The following GRIA4 variants were observed in gnomAD, a reference collection of about 807,000 sequenced individuals.
GRIA4 encodes glutamate ionotropic receptor AMPA type subunit 4, also known as glutamate receptor 4.
In GRIA4, 34 loss-of-function variants were observed where a neutral mutation model predicts 104.0. The observed-to-expected ratio is 0.33, with a 90% CI of 0.25 to 0.44. GRIA4 has a LOEUF of 0.44. Ranked by LOEUF, GRIA4 falls within the 20% of genes least tolerant of loss-of-function variation. GRIA4 has a pLI of 1.00. For missense variants in GRIA4, 750 were observed against 1,096.5 expected, an observed-to-expected ratio of 0.68 and a Z score of 4.46; for synonymous variants, 386 against 381.9, an observed-to-expected ratio of 1.01 and a Z score of -0.13.
chr11:105,936,431 G>A (rs1948037775), intron 14 of GRIA4, among the ~76,000 whole-genome samples: 1 of 152,092 alleles, frequency 6.6e-6, no homozygotes, highest in Admixed American at 6.6e-5. Context: ...TAGGTTAATA[G>A]TTCTGGATGT....
At chr11:105,967,380 A>G (rs1858441505) in intron 14 of GRIA4, among the ~76,000 whole-genome samples, 1 of 152,164 alleles carries the variant, frequency 6.6e-6, no homozygotes, top group African/African-American at 2.4e-5. Context: ...GAACTGGACA[A>G]CTCAGTCAGA....
intron 4 of GRIA4, among the ~76,000 whole-genome samples, chr11:105,837,638 C>T (rs999804330): frequency 2.6e-5 from 4 of 151,978 alleles, no homozygotes; most frequent in South Asian, 2.1e-4. Context: ...GGAGAAACAC[C>T]GTGTGGAACT....
intron 13 of GRIA4, among the ~76,000 whole-genome samples, chr11:105,927,857 A>G (rs904340735): frequency 2.0e-5 from 3 of 152,040 alleles, no homozygotes; most frequent in African/African-American, 7.2e-5. Context: ...CTAGGTAAAA[A>G]CGAACACATT....
At chr11:105,745,281 G>C (rs1939582750) in intron 3 of GRIA4, among the ~76,000 whole-genome samples, 1 of 152,120 alleles carries the variant, frequency 6.6e-6, no homozygotes, top group African/African-American at 2.4e-5. Flanking sequence ...ATCACTGTTT[G>C]TTTTTAAATC....
rs543505848 is a variant in GRIA4, at chr11:105,812,060, C to T, written c.488-49964C>T. ...GGGTGCCTGGAAGGCTGGGAGAGTG[C>T]GAGCAGGAGAAAAGAAAACAGACAA... is the stretch of plus-strand genomic sequence containing the variant. On this transcript the variant is annotated intron_variant, in intron 4 of 16. Coordinates refer to ENST00000282499, the MANE Select transcript of GRIA4 (RefSeq NM_000829.4). 2.2e-4 allele frequency among the ~76,000 whole-genome samples: 33 copies of T among 152,318 alleles called. No individual in the cohort carries two copies. In the South Asian group the frequency reaches 5.4e-3, roughly 25 times the overall value.
intron 14 of GRIA4, among the ~76,000 whole-genome samples, chr11:105,958,449 C>G (rs1378206445): frequency 6.6e-6 from 1 of 152,148 alleles, no homozygotes; most frequent in Admixed American, 6.5e-5. Flanking sequence ...AGCCTTTCAT[C>G]CCAGGGATGA....
At chr11:105,932,339 A>G (rs978334103) in intron 13 of GRIA4, among the ~76,000 whole-genome samples, 6 of 152,012 alleles carry the variant, frequency 3.9e-5, no homozygotes, top group African/African-American at 1.4e-4. Context: ...GGGTTTCACC[A>G]TGTTGGCCAG....
intron 14 of GRIA4, among the ~76,000 whole-genome samples, chr11:105,939,397 A>T (rs1948129895): frequency 6.6e-6 from 1 of 152,184 alleles, no homozygotes; most frequent in African/African-American, 2.4e-5. Flanking sequence ...ATCAAATTTG[A>T]CAAGATAAAC....
chr11:105,674,064 CTTG>C (rs1952460165), intron 3 of GRIA4, among the ~76,000 whole-genome samples: 1 of 151,914 alleles, frequency 6.6e-6, no homozygotes, highest in Non-Finnish European at 1.5e-5. Flanking sequence ...TCAAGTAGAA[CTTG>C]TTATTTGCCT....
intron 3 of GRIA4, among the ~76,000 whole-genome samples, chr11:105,682,773 C>A (rs117374297): frequency 2.0e-3 from 300 of 152,248 alleles, no homozygotes; most frequent in South Asian, 4.6e-3. Flanking sequence ...ACTCGGAACC[C>A]CAATACTAAT....
intron 4 of GRIA4, among the ~76,000 whole-genome samples, chr11:105,860,955 TGAAAAAA>T (rs775158455): frequency 2.6e-5 from 2 of 77,016 alleles, no homozygotes; most frequent in Non-Finnish European, 4.7e-5. Flanking sequence ...CAAGACTGTC[TGAAAAAA>T]AAAAAAAAAA....
chr11:105,807,434 A>C (rs1490410146), intron 4 of GRIA4, among the ~76,000 whole-genome samples: 2 of 151,932 alleles, frequency 1.3e-5, no homozygotes, highest in African/African-American at 2.4e-5. Flanking sequence ...TTGAACTTAC[A>C]CATTTAGAAA....
chr11:105,919,843 T>C (rs116547146), intron 11 of GRIA4, among the ~76,000 whole-genome samples: 1 of 152,140 alleles, frequency 6.6e-6, no homozygotes, highest in Admixed American at 6.6e-5. Flanking sequence ...AGCCAACTTA[T>C]ATTTCACCTT....
At chr11:105,913,082 T>C (rs1162132349) in intron 10 of GRIA4, 1 of 827,604 alleles carries the variant, frequency 1.2e-6, no homozygotes, top group Non-Finnish European at 1.5e-6. Flanking sequence ...CTATATGCTA[T>C]TGCTAAATAA....
chr11:105,744,876 T>C (rs1019215142), intron 3 of GRIA4, among the ~76,000 whole-genome samples: 1 of 152,198 alleles, frequency 6.6e-6, no homozygotes, highest in Non-Finnish European at 1.5e-5. Context: ...TAATTTAGGG[T>C]CAACTTTCTT....
At chr11:105,876,275 G>C (rs1032660428) in intron 5 of GRIA4, among the ~76,000 whole-genome samples, 6 of 152,154 alleles carry the variant, frequency 3.9e-5, no homozygotes, top group African/African-American at 7.2e-5. Flanking sequence ...TGTGGTCTGA[G>C]AGACTGTTTG....
intron 6 of GRIA4, among the ~76,000 whole-genome samples, chr11:105,888,992 A>C (rs1946372033): frequency 6.6e-6 from 1 of 152,130 alleles, no homozygotes; most frequent in Non-Finnish European, 1.5e-5. Flanking sequence ...AAGAGAAAAA[A>C]ACTTAGGATT....
intron 4 of GRIA4, among the ~76,000 whole-genome samples, chr11:105,842,407 A>G (rs1360130046): frequency 6.6e-6 from 1 of 152,166 alleles, no homozygotes; most frequent in Non-Finnish European, 1.5e-5. Flanking sequence ...CTCGGGCCAA[A>G]ACAAGAAGAG....
chr11:105,720,519 A>C (rs1202722711), intron 3 of GRIA4, among the ~76,000 whole-genome samples: 2 of 152,224 alleles, frequency 1.3e-5, no homozygotes, highest in African/African-American at 4.8e-5. Context: ...AGAATGTATA[A>C]ACAAAATATG....
Sources: allele counts gnomAD v4.1 joint callset (sites outside exome capture counted in the v4.1 genomes callset), GRCh38; gene constraint gnomAD v4.1.1; transcripts MANE v1.5; gene names NCBI Gene and HGNC (gene_info 2026-07-23, HGNC 2026-07-21).